The following FRAS1 variants were observed in gnomAD, a reference collection of about 807,000 sequenced individuals.
The protein encoded by FRAS1 is Fraser extracellular matrix complex subunit 1.
A neutral mutation model predicts 435.2 loss-of-function variants in FRAS1; 290 were observed. That is an observed-to-expected ratio of 0.67 (90% CI 0.61 to 0.73). The LOEUF (loss-of-function observed/expected upper bound fraction) is 0.73. Ranked by LOEUF, FRAS1 falls within the 30% of genes least tolerant of loss-of-function variation. FRAS1 has a pLI of 0.00. For missense variants in FRAS1, 4,860 were observed against 5,001.5 expected, an observed-to-expected ratio of 0.97 and a Z score of 0.85; for synonymous variants, 1,800 against 1,851.0, an observed-to-expected ratio of 0.97 and a Z score of 0.71.
At chr4:78,124,017 G>T (rs1247117823) in intron 2 of FRAS1, among the ~76,000 whole-genome samples, 2 of 151,760 alleles carry the variant, frequency 1.3e-5, no homozygotes, top group Non-Finnish European at 2.9e-5. Context: ...TACTATGTTG[G>T]ATAGGCGTGA....
intron 33 of FRAS1, 92 bp from the exon 34 acceptor site, chr4:78,421,771 C>A: frequency 7.1e-7 from 1 of 1,406,402 alleles, no homozygotes; most frequent in South Asian, 1.3e-5. Context: ...TGTCAGACTC[C>A]CACCAACAAG....
At chr4:78,250,576 G>T (rs1725486229) in intron 4 of FRAS1, among the ~76,000 whole-genome samples, 1 of 152,176 alleles carries the variant, frequency 6.6e-6, no homozygotes, top group Non-Finnish European at 1.5e-5. Flanking sequence ...TAAAGAGTTT[G>T]AGTATTGAAG....
intron 2 of FRAS1, among the ~76,000 whole-genome samples, chr4:78,231,182 C>A (rs1350837985): frequency 1.3e-5 from 2 of 152,010 alleles, no homozygotes; most frequent in Non-Finnish European, 2.9e-5. Flanking sequence ...GTCTCAAACT[C>A]CTGACCTCGT....
At chr4:78,141,400 G>T (rs552493185) in intron 2 of FRAS1, among the ~76,000 whole-genome samples, 103 of 152,324 alleles carry the variant, frequency 6.8e-4, no homozygotes, top group Non-Finnish European at 1.1e-3. Context: ...TACTTGTTAA[G>T]TGGGGGAGTT....
At position 78,451,796 on chromosome 4, in the gene FRAS1, C is replaced by A; in HGVS notation, c.6488C>A (p.Thr2163Lys). 1 of 1,611,498 alleles carries A rather than the reference C, an allele frequency of 6.2e-7. No homozygotes were observed. Among genetic ancestry groups the A allele is most frequent in the East Asian group, 2.2e-5 (1 of 44,842 alleles). The change falls in exon 46 of 74, where the codon ACA (threonine) becomes AAA (lysine). Residue 2163 changes from threonine (T) to lysine (K), a missense_variant. Coordinates refer to ENST00000512123, the MANE Select transcript of FRAS1 (RefSeq NM_025074.7). ...SQGHVEYSHG[T>K]GEPGGSFAFK... is the part of the protein sequence containing the mutation. ...GGCCACGTAGAATATAGTCATGGAA[C>A]AGGAGAACCTGGAGGGAGCTTTGCT...
chr4:78,203,321 G>A (rs1014673361), intron 2 of FRAS1, among the ~76,000 whole-genome samples: 1 of 152,092 alleles, frequency 6.6e-6, no homozygotes, highest in Non-Finnish European at 1.5e-5. Context: ...AGAAACTGAG[G>A]GATAAAAGTA....
chr4:78,242,954 A>G (rs56050838), intron 3 of FRAS1, among the ~76,000 whole-genome samples: 1 of 152,318 alleles, frequency 6.6e-6, no homozygotes, highest in African/African-American at 2.4e-5. Flanking sequence ...GGACAGAAAG[A>G]CAGACAGACA....
intron 2 of FRAS1, among the ~76,000 whole-genome samples, chr4:78,109,085 T>C (rs1312300146): frequency 1.6e-5 from 1 of 63,080 alleles, no homozygotes. Flanking sequence ...AATAACAGGC[T>C]CTGAAATTGT....
chr4:78,469,401 A>G (rs144359516), intron 50 of FRAS1, among the ~76,000 whole-genome samples: 6 of 152,300 alleles, frequency 3.9e-5, no homozygotes, highest in African/African-American at 1.4e-4. Context: ...TATTACCACA[A>G]ATGCTTTTAT....
At chr4:78,453,658 G>A (rs1466691440) in intron 47 of FRAS1, among the ~76,000 whole-genome samples, 67 of 152,188 alleles carry the variant, frequency 4.4e-4, no homozygotes, top group African/African-American at 1.6e-3. Flanking sequence ...TTAAAGGCCA[G>A]ATGTGGTGGT....
At chr4:78,522,906 T>C in intron 69 of FRAS1, 98 bp downstream of exon 69, 1 of 1,116,768 alleles carries the variant, frequency 9.0e-7, no homozygotes. Context: ...AGGCTAGACT[T>C]TTATTTTAAA....
chr4:78,374,257 T>A lies in FRAS1; in HGVS notation c.3151+6T>A. On this transcript the variant is annotated splice_donor_region_variant and intron_variant, in intron 25 of 73. Coordinates refer to ENST00000512123, the MANE Select transcript of FRAS1 (RefSeq NM_025074.7). ...TGCAAAGCACAAATGCACAGGTAAC[T>A]TGGAGACTGCTGATTATTCTGGAAA... is the stretch of plus-strand genomic sequence containing the variant. 2 of 1,553,062 alleles carry A rather than the reference T, an allele frequency of 1.3e-6. No individual in the cohort carries two copies. The highest frequency in any genetic ancestry group is 1.7e-6 in the Non-Finnish European group (2 of 1,143,166).
intron 23 of FRAS1, among the ~76,000 whole-genome samples, chr4:78,371,881 G>A (rs1237153110): frequency 6.6e-6 from 1 of 152,156 alleles, no homozygotes; most frequent in Non-Finnish European, 1.5e-5. Context: ...GTTTTCCTGT[G>A]CCCCAACCCA....
chr4:78,076,442 A>G (rs1465457316), intron 2 of FRAS1, among the ~76,000 whole-genome samples: 1 of 152,160 alleles, frequency 6.6e-6, no homozygotes, highest in African/African-American at 2.4e-5. Flanking sequence ...ATTATGCTCC[A>G]GTTAGTAATA....
rs6832285 is a variant in FRAS1, at chr4:78,057,945, T to C, written c.-65T>C. On this transcript the variant is annotated 5_prime_UTR_variant, in exon 1 of 74. Coordinates refer to ENST00000512123, the MANE Select transcript of FRAS1 (RefSeq NM_025074.7). The surrounding 1 kb of genome is among the most constrained non-coding windows in gnomAD (Gnocchi z 4.2). ...CGGGTTCCAAGCGCCGGAGCCAGCG[T>C]TTTGGCGGAGCCGCTTCTTGGATGC... 0.026 allele frequency: 39,054 copies of C among 1,524,990 alleles called. 3,694 individuals are homozygous for C. The African/African-American group carries it at 0.27, about 11-fold the overall frequency. The allele number at this position is 1,524,990 out of a possible 1,614,324, so 94.5% of individuals were successfully genotyped here.
At chr4:78,445,827 T>G in intron 42 of FRAS1, 115 bp downstream of exon 42, 3 of 1,418,438 alleles carry the variant, frequency 2.1e-6, no homozygotes, top group Non-Finnish European at 2.8e-6. Context: ...ACCTTCAAAA[T>G]TGAAGGTCGT....
intron 2 of FRAS1, among the ~76,000 whole-genome samples, chr4:78,098,463 C>T (rs573435867): frequency 3.1e-4 from 47 of 151,948 alleles, no homozygotes; most frequent in African/African-American, 9.4e-4. Flanking sequence ...TTAGTAGAGA[C>T]GGGGTTTCAC....
intron 70 of FRAS1, among the ~76,000 whole-genome samples, chr4:78,533,827 T>A (rs1721798949): frequency 6.6e-6 from 1 of 152,184 alleles, no homozygotes; most frequent in South Asian, 2.1e-4. Context: ...ATAGTTAAAT[T>A]TGGCATTACT....
intron 2 of FRAS1, among the ~76,000 whole-genome samples, chr4:78,202,367 G>C (rs1466528283): frequency 6.6e-6 from 1 of 152,170 alleles, no homozygotes; most frequent in African/African-American, 2.4e-5. Flanking sequence ...AGCATCGACA[G>C]GGAGCTTCTT....
Sources: gnomAD v4.1 joint callset for allele counts (sites outside exome capture counted in the v4.1 genomes callset) on GRCh38, gnomAD v4.1.1 for gene constraint, Gnocchi (gnomAD v3.1) non-coding constraint, MANE v1.5 for transcripts, NCBI Gene and HGNC (gene_info 2026-07-23, HGNC 2026-07-21) for gene names.